Variants in ALKBH3 observed in about 807,000 individuals in gnomAD.
The protein encoded by ALKBH3 is alpha-ketoglutarate-dependent dioxygenase alkB homolog 3.
Under a neutral mutation model 43.9 loss-of-function variants are expected in ALKBH3, and 51 were observed. The ratio of observed to expected loss-of-function variants is 1.16; its 90% CI spans 0.93 to 1.47. The LOEUF is 1.47. ALKBH3 is among the 40% of genes most tolerant of loss of function. The probability of loss-of-function intolerance (pLI) is 0.00; values close to 1 mark genes in which losing one functional copy is unlikely to be tolerated. For missense variants in ALKBH3, 361 were observed against 351.9 expected (o/e 1.03, Z -0.21); for synonymous variants, 102 against 115.2 (o/e 0.89, Z 0.73).
chr11:43,890,397 C>T (rs982617972), intron 6 of ALKBH3, among the ~76,000 whole-genome samples: 6 of 152,176 alleles, frequency 3.9e-5, no homozygotes, highest in Non-Finnish European at 8.8e-5. Context: ...GCCTGTTATA[C>T]CACAGGCGGT....
At chr11:43,892,956 G>A (rs1590369416) in intron 7 of ALKBH3, among the ~76,000 whole-genome samples, 1 of 152,312 alleles carries the variant, frequency 6.6e-6, no homozygotes, top group East Asian at 1.9e-4. Flanking sequence ...TGGTTTCAAG[G>A]GCTGCATTTA....
rs527359559 is a variant in ALKBH3 at position 43,900,107 on chromosome 11, C to T, written c.460-1409C>T. The stretch of plus-strand genomic sequence containing the variant: ...AAATTTGCAAAACAGTGTCACCCTT[C>T]TCATCAATTATTCAATTATTTGTGT... On this transcript the variant is annotated intron_variant, in intron 7 of 9. Coordinates refer to ENST00000302708, the MANE Select transcript of ALKBH3 (RefSeq NM_139178.4). 1.2e-3 allele frequency among the ~76,000 whole-genome samples: 184 copies of T among 149,818 alleles called. 1 individual carries two copies. Among genetic ancestry groups the T allele is most frequent in the Non-Finnish European group, 1.7e-3 (116 of 67,832 alleles).
intron 7 of ALKBH3, among the ~76,000 whole-genome samples, chr11:43,892,452 G>A (rs563944572): frequency 6.6e-6 from 1 of 152,262 alleles, no homozygotes; most frequent in South Asian, 2.1e-4. Flanking sequence ...GTGGGGCTGA[G>A]TCCTTATGAC....
At chr11:43,886,760 A>G in intron 5 of ALKBH3, 107 bp downstream of exon 5, 12 of 1,078,818 alleles carry the variant, frequency 1.1e-5, no homozygotes, top group Non-Finnish European at 1.7e-5. Context: ...ACATTATGGA[A>G]TACTATGCAG....
intron 7 of ALKBH3, chr11:43,898,454 G>T: frequency 1.2e-6 from 1 of 862,108 alleles, no homozygotes; most frequent in Non-Finnish European, 1.9e-6. Flanking sequence ...TGGCCCCTCT[G>T]TATGCTCAGG....
intron 9 of ALKBH3, 115 bp downstream of exon 9, chr11:43,919,251 G>C (rs1952008214): frequency 1.2e-6 from 1 of 861,046 alleles, no homozygotes; most frequent in African/African-American, 1.6e-5. Flanking sequence ...ACGAGCAAGA[G>C]GGAATGAGCT....
intron 7 of ALKBH3, 122 bp from the exon 8 acceptor site, chr11:43,901,394 G>T: frequency 9.7e-7 from 1 of 1,027,380 alleles, no homozygotes. Flanking sequence ...CATGTGGTTT[G>T]CTTATTACAT....
chr11:43,889,806 A>T lies in ALKBH3; in HGVS notation c.348A>T (p.Lys116Asn). The T allele has an allele frequency of 6.2e-7, 1 of 1,613,884 alleles. No individual in the cohort carries two copies. Among genetic ancestry groups the T allele is most frequent in the African/African-American group, 1.3e-5 (1 of 75,038 alleles). Residue 116 changes from lysine to asparagine, a missense_variant, in exon 6 of 10, where the codon AAA (lysine) becomes AAT (asparagine). Transcript: ENST00000302708. ...AGCTTTGTCAAGATGTTCCCTGGAA[A>T]CAGAGGACTGGCATCAGAGAGGGTA... Reference protein sequence around the residue: ...LEQLCQDVPWKQRTGIREDIT... With the variant: ...LEQLCQDVPWNQRTGIREDIT...
rs1951723101 is a variant in ALKBH3, at chr11:43,883,117, C to A, written c.112C>A (p.Pro38Thr). The change falls in exon 3 of 10, where the codon CCT becomes ACT. Residue 38 changes from proline to threonine, a missense_variant. Physicochemically the swap from Pro to Thr is conservative, Grantham distance 38. Transcript: ENST00000302708. ...TGCTAAGAGCCATCTCCACCAGAAG[C>A]CTGGCCAGACCTGGAAGAACAAAGA... is the stretch of plus-strand genomic sequence containing the variant. ...TTAKSHLHQKPGQTWKNKEHH... is the reference protein window; with the variant it reads ...TTAKSHLHQKTGQTWKNKEHH... 2.5e-6 allele frequency: 4 copies of A among 1,614,092 alleles called. No individual in the cohort carries two copies. The South Asian group carries it at 3.3e-5, about 13-fold the overall frequency.
At chr11:43,919,543 C>T in intron 9 of ALKBH3, 2 of 274,910 alleles carry the variant, frequency 7.3e-6, no homozygotes, top group South Asian at 1.2e-4. Flanking sequence ...ATTTTTAGGC[C>T]AGATCATTTC....
chr11:43,882,979 A>G, intron 2 of ALKBH3, 106 bp from the exon 3 acceptor site: 2 of 928,622 alleles, frequency 2.2e-6, no homozygotes, highest in Non-Finnish European at 3.3e-6. Flanking sequence ...TAGTTTCTAC[A>G]TGTCATAGAG....
At chr11:43,906,089 C>T (rs1951894087) in intron 8 of ALKBH3, among the ~76,000 whole-genome samples, 1 of 152,204 alleles carries the variant, frequency 6.6e-6, no homozygotes, top group African/African-American at 2.4e-5. Flanking sequence ...CTCCTATTCA[C>T]CTCAGGGTGA....
intron 7 of ALKBH3, chr11:43,899,136 C>T: frequency 1.3e-6 from 1 of 769,496 alleles, no homozygotes; most frequent in Non-Finnish European, 2.4e-6. Flanking sequence ...CAAGAGGTCG[C>T]CACAGCCACC....
intron 7 of ALKBH3, among the ~76,000 whole-genome samples, chr11:43,894,047 A>G (rs1037142932): frequency 3.3e-5 from 5 of 152,218 alleles, no homozygotes; most frequent in Non-Finnish European, 7.3e-5. Flanking sequence ...TAATGTATGT[A>G]TATATATGTT....
chr11:43,884,032 G>C lies in ALKBH3; in HGVS notation c.218+15G>C. ...CGAGTGATTGAGTAAGTAATTTGCT[G>C]TCTTCCTGTAATTGTTGCCCACAGT... On this transcript the variant is annotated intron_variant, in intron 4 of 9. Coordinates refer to ENST00000302708, the MANE Select transcript of ALKBH3 (RefSeq NM_139178.4). 6.2e-7 allele frequency: 1 copy of C among 1,613,772 alleles called. No homozygotes were observed. Among genetic ancestry groups the C allele is most frequent in the East Asian group, 2.2e-5 (1 of 44,824 alleles).
chr11:43,914,411 C>T lies in ALKBH3; in HGVS notation c.670-4627C>T, dbSNP rs919970229. Among the ~76,000 whole-genome samples, 3 of 152,180 alleles carry T rather than the reference C, an allele frequency of 2.0e-5. No homozygotes were observed. The South Asian group carries it at 6.2e-4, about 32-fold the overall frequency. On this transcript the variant is annotated intron_variant, in intron 8 of 9. Coordinates refer to ENST00000302708, the MANE Select transcript of ALKBH3 (RefSeq NM_139178.4). ...TGCCTGGCACCTGAGCACATGCCAT[C>T]GTAGATCTTGTGGAAGAAGTCTGGC...
intron 8 of ALKBH3, among the ~76,000 whole-genome samples, chr11:43,916,210 C>T (rs766454669): frequency 1.3e-5 from 2 of 152,080 alleles, no homozygotes; most frequent in Non-Finnish European, 2.9e-5. Flanking sequence ...AATGACATAA[C>T]AGTAAATACA....
In ALKBH3 at chr11:43,907,212, A is replaced by AGTGT. The variant is rs34632297; in HGVS notation, c.669+5501_669+5504dup. On this transcript the variant is annotated intron_variant, in intron 8 of 9. Coordinates refer to ENST00000302708, the MANE Select transcript of ALKBH3 (RefSeq NM_139178.4). ...TGTGAGGGTGAGTAGAGAGAGAGAG[A>AGTGT]GTGTGTGTGTGTGTGTGCGTGTGTG... is the stretch of plus-strand genomic sequence containing the variant. 5.9e-3 allele frequency among the ~76,000 whole-genome samples: 881 copies of AGTGT among 149,534 alleles called. 5 individuals are homozygous for AGTGT. Among genetic ancestry groups the AGTGT allele is most frequent in the African/African-American group, 0.016 (641 of 40,882 alleles).
chr11:43,899,185 G>C, intron 7 of ALKBH3: 1 of 771,244 alleles, frequency 1.3e-6, no homozygotes, highest in Non-Finnish European at 2.4e-6. Flanking sequence ...CTCCAGGTGG[G>C]AACAATGTGC....
Sources: gnomAD v4.1 joint callset for allele counts (sites outside exome capture counted in the v4.1 genomes callset) on GRCh38, gnomAD v4.1.1 for gene constraint, MANE v1.5 for transcripts, NCBI Gene and HGNC (gene_info 2026-07-23, HGNC 2026-07-21) for gene names.